NDRG3: variants seen among roughly 807,000 people sequenced by gnomAD.
The protein encoded by NDRG3 is protein NDRG3.
In NDRG3, 23 loss-of-function variants were observed where a neutral mutation model predicts 57.2. The observed-to-expected ratio is 0.40, with a 90% confidence interval of 0.29 to 0.57. NDRG3 has a LOEUF of 0.57. Among genes scored for constraint, NDRG3 ranks in the 20% least tolerant of loss-of-function variants. The pLI is 0.42. For synonymous variants in NDRG3, 132 were observed against 162.6 expected, an observed-to-expected ratio of 0.81 and a Z score of 1.43; for missense variants, 384 against 457.3, an observed-to-expected ratio of 0.84 and a Z score of 1.46.
At chr20:36,721,430 G>A (rs1034420129) in intron 2 of NDRG3, among the ~76,000 whole-genome samples, 10 of 151,860 alleles carry the variant, frequency 6.6e-5, no homozygotes, top group African/African-American at 2.4e-4. Context: ...TTGGGAGGCT[G>A]AGGCAAGAGA....
intron 2 of NDRG3, among the ~76,000 whole-genome samples, chr20:36,718,872 G>T (rs892267015): frequency 6.6e-6 from 1 of 152,160 alleles, no homozygotes; most frequent in East Asian, 1.9e-4. Flanking sequence ...TGGTAGACAG[G>T]ATCTCCCTTT....
At chr20:36,701,239 C>T (rs1204109827) in intron 3 of NDRG3, among the ~76,000 whole-genome samples, 2 of 152,158 alleles carry the variant, frequency 1.3e-5, no homozygotes, top group Non-Finnish European at 2.9e-5. Flanking sequence ...TAGTCTTAAA[C>T]ACAAGGTCTT....
chr20:36,668,059 AG>A (rs1348881899), intron 9 of NDRG3, among the ~76,000 whole-genome samples: 1 of 152,130 alleles, frequency 6.6e-6, no homozygotes, highest in East Asian at 1.9e-4. Context: ...GGGTTAACAT[AG>A]TGAGACCCCC....
intron 4 of NDRG3, 56 bp downstream of exon 4, chr20:36,688,623 T>C: frequency 3.8e-6 from 5 of 1,318,702 alleles, no homozygotes; most frequent in South Asian, 1.2e-5. Context: ...TGTTTGGTTT[T>C]TAACATACAA....
rs372294516 is a variant in NDRG3, at chr20:36,660,078, C to T, written c.858+259G>A. Among the ~76,000 whole-genome samples the T allele has an allele frequency of 1.4e-3, 216 of 151,796 alleles. 1 individual carries two copies. The highest frequency in any genetic ancestry group is 5.0e-3 in the African/African-American group (207 of 41,474). ...GAAAAATTAGCCGGGCATGGTGGCACGTGCCTGTAGTCCCAGCTACTCAGG... is the reference window on the plus strand; with the variant it reads ...GAAAAATTAGCCGGGCATGGTGGCATGTGCCTGTAGTCCCAGCTACTCAGG... On this transcript the variant is annotated intron_variant, in intron 13 of 15. Coordinates refer to ENST00000349004, the MANE Select transcript of NDRG3 (RefSeq NM_032013.4).
intron 3 of NDRG3, among the ~76,000 whole-genome samples, chr20:36,702,994 A>AT (rs1417254748): frequency 6.6e-6 from 1 of 151,788 alleles, no homozygotes; most frequent in Non-Finnish European, 1.5e-5. Context: ...TAATTTTTGT[A>AT]TTTTTAGTAG....
At chr20:36,665,556 C>T (rs1172084028) in intron 10 of NDRG3, among the ~76,000 whole-genome samples, 4 of 152,170 alleles carry the variant, frequency 2.6e-5, no homozygotes, top group African/African-American at 9.7e-5. Context: ...ACAGCCTCAA[C>T]ACCCAACAGC....
intron 8 of NDRG3, among the ~76,000 whole-genome samples, chr20:36,678,667 C>T (rs926598892): frequency 4.6e-5 from 7 of 152,080 alleles, no homozygotes; most frequent in Non-Finnish European, 8.8e-5. Context: ...GCGACAAGAG[C>T]GAGACTCCGT....
chr20:36,699,011 A>G (rs1983033689), intron 3 of NDRG3, among the ~76,000 whole-genome samples: 1 of 152,156 alleles, frequency 6.6e-6, no homozygotes, highest in South Asian at 2.1e-4. Context: ...ATGTGATCAT[A>G]GCTCACTGCA....
chr20:36,717,951 T>A lies in NDRG3; in HGVS notation c.57+3728A>T, dbSNP rs556560985. On this transcript the variant is annotated intron_variant, in intron 2 of 15. Coordinates refer to ENST00000349004, the MANE Select transcript of NDRG3 (RefSeq NM_032013.4). The stretch of plus-strand genomic sequence containing the variant: ...AGCAGTGTTCCACAACAAACAATTA[T>A]CCAACCCAAAACATCGACAGTGAGA... Among the ~76,000 whole-genome samples, 422 of 152,216 alleles carry A rather than the reference T, an allele frequency of 2.8e-3. 4 individuals are homozygous for A. Among genetic ancestry groups the A allele is most frequent in the African/African-American group, 9.8e-3 (407 of 41,536 alleles).
At chr20:36,680,961 A>G (rs1981233540) in intron 7 of NDRG3, 59 bp from the exon 8 acceptor site, 3 of 1,394,112 alleles carry the variant, frequency 2.2e-6, no homozygotes, top group Middle Eastern at 1.8e-4. Flanking sequence ...TCTTCTAAAC[A>G]GTTGGAACAT....
rs1162672150 is a variant in NDRG3, at chr20:36,671,399, T to C, written c.532-2A>G. 1 of 1,613,304 alleles carries C rather than the reference T, an allele frequency of 6.2e-7. No homozygotes were observed. ...AACATTGGTTGTCAGGCCAGAGAGCTGAAAAGATAAAAACTCTGTGTTAAG... is the reference window on the plus strand; with the variant it reads ...AACATTGGTTGTCAGGCCAGAGAGCCGAAAAGATAAAAACTCTGTGTTAAG... On this transcript the variant is annotated splice_acceptor_variant, in intron 8 of 15. Transcript: ENST00000349004. LOFTEE classifies it high-confidence loss of function.
intron 8 of NDRG3, among the ~76,000 whole-genome samples, chr20:36,674,062 C>A (rs1444205698): frequency 6.6e-6 from 1 of 152,032 alleles, no homozygotes; most frequent in Non-Finnish European, 1.5e-5. Context: ...CGAGATCACG[C>A]CACTGCACAC....
At chr20:36,665,326 G>GAGATTACAGGCGCCCGCCACTA in intron 10 of NDRG3, 25 bp from the exon 11 acceptor site, 1 of 1,610,822 alleles carries the variant, frequency 6.2e-7, no homozygotes, top group Non-Finnish European at 8.5e-7. Context: ...CAGAAGCAAT[G>GAGATTACAGGCGCCCGCCACTA]CCCTTTTTGG....
chr20:36,685,090 A>G (rs1042879563), intron 5 of NDRG3, among the ~76,000 whole-genome samples: 3 of 152,050 alleles, frequency 2.0e-5, no homozygotes, highest in Non-Finnish European at 4.4e-5. Context: ...AACCTCTAAC[A>G]ATCTCTTCAG....
At chr20:36,741,994 C>T (rs1257623342) in intron 1 of NDRG3, among the ~76,000 whole-genome samples, 2 of 152,088 alleles carry the variant, frequency 1.3e-5, no homozygotes, top group Non-Finnish European at 2.9e-5. Flanking sequence ...TTATCAGCCC[C>T]GATTCAAAAT....
intron 3 of NDRG3, chr20:36,700,718 G>A: frequency 4.5e-6 from 1 of 222,808 alleles, no homozygotes; most frequent in Non-Finnish European, 9.1e-6. Context: ...GCATCTGATA[G>A]GCTCTGGTCA....
intron 3 of NDRG3, among the ~76,000 whole-genome samples, chr20:36,699,668 CTGGTGGTGG>C (rs887081318): frequency 3.3e-5 from 5 of 151,412 alleles, no homozygotes; most frequent in East Asian, 1.9e-4. Flanking sequence ...CTGATGGTAA[CTGGTGGTGG>C]TGGTGGTGGT....
chr20:36,712,244 A>G (rs1380451378), intron 2 of NDRG3, among the ~76,000 whole-genome samples: 1 of 151,770 alleles, frequency 6.6e-6, no homozygotes, highest in East Asian at 1.9e-4. Flanking sequence ...GGGGATCATT[A>G]GCTGGTCCTT....
Sources: allele counts gnomAD v4.1 joint callset (sites outside exome capture counted in the v4.1 genomes callset), GRCh38; gene constraint gnomAD v4.1.1; transcripts MANE v1.5; gene names NCBI Gene and HGNC (gene_info 2026-07-23, HGNC 2026-07-21).